The following COBL variants were observed in gnomAD, a reference collection of about 807,000 sequenced individuals.
COBL encodes cordon-bleu WH2 repeat protein, also known as protein cordon-bleu.
A neutral mutation model predicts 98.8 loss-of-function variants in COBL; 51 were observed. The ratio of observed to expected loss-of-function variants is 0.52; its 90% confidence interval spans 0.41 to 0.65. COBL has a LOEUF of 0.65. Among genes scored for constraint, COBL ranks in the 30% least tolerant of loss-of-function variants. COBL has a pLI of 0.00. For missense variants in COBL, 1,617 were observed against 1,617.5 expected, an observed-to-expected ratio of 1.00 and a Z score of 0.01; for synonymous variants, 634 against 651.7, an observed-to-expected ratio of 0.97 and a Z score of 0.41.
At chr7:51,307,527 A>G (rs1319237990) in intron 1 of COBL, among the ~76,000 whole-genome samples, 2 of 152,212 alleles carry the variant, frequency 1.3e-5, no homozygotes, top group African/African-American at 4.8e-5. Flanking sequence ...ATGCCAAAAT[A>G]AGGCAAGTCC....
intron 5 of COBL, among the ~76,000 whole-genome samples, chr7:51,153,961 A>G (rs1487869914): frequency 6.6e-6 from 1 of 152,216 alleles, no homozygotes; most frequent in Non-Finnish European, 1.5e-5. Flanking sequence ...GAGACCTCAC[A>G]GATGTGTCCT....
chr7:51,186,243 G>C (rs1789492030), intron 4 of COBL, among the ~76,000 whole-genome samples: 2 of 152,122 alleles, frequency 1.3e-5, no homozygotes, highest in African/African-American at 4.8e-5. Context: ...GGATGCTCAC[G>C]AACTGACGAT....
chr7:51,237,512 T>A (rs576854282), intron 1 of COBL, among the ~76,000 whole-genome samples: 42 of 145,474 alleles, frequency 2.9e-4, no homozygotes, highest in African/African-American at 1.0e-3. Context: ...ACATAAACTG[T>A]GAGTCCCTTA....
At chr7:51,175,270 T>G (rs971277651) in intron 5 of COBL, among the ~76,000 whole-genome samples, 1 of 152,240 alleles carries the variant, frequency 6.6e-6, no homozygotes, top group African/African-American at 2.4e-5. Flanking sequence ...TTCTACTGTT[T>G]ATAATTTGGA....
At chr7:51,148,871 C>T (rs1290347624) in intron 5 of COBL, among the ~76,000 whole-genome samples, 1 of 151,998 alleles carries the variant, frequency 6.6e-6, no homozygotes, top group African/African-American at 2.4e-5. Context: ...CCCCAACCCC[C>T]TTATCATTTA....
chr7:51,286,418 C>CA (rs1029295052), intron 1 of COBL, among the ~76,000 whole-genome samples: 28 of 135,988 alleles, frequency 2.1e-4, no homozygotes, highest in African/African-American at 5.1e-4. Flanking sequence ...AAAAAAAAAG[C>CA]AAAAAAAAAT....
At chr7:51,264,672 C>CAA (rs5884201) in intron 1 of COBL, among the ~76,000 whole-genome samples, 783 of 47,608 alleles carry the variant, frequency 0.016, 5 homozygotes, top group East Asian at 0.064. Context: ...CTCCATCTCC[C>CAA]AAAAAAAAAA....
chr7:51,187,984 T>G, intron 4 of COBL: 1 of 1,232,206 alleles, frequency 8.1e-7, no homozygotes, highest in African/African-American at 1.5e-5. Flanking sequence ...AATGAGAGAG[T>G]GAGGTCCAGC....
chr7:51,116,452 C>A (rs567151205), intron 6 of COBL, among the ~76,000 whole-genome samples: 16 of 152,200 alleles, frequency 1.1e-4, no homozygotes, highest in Admixed American at 9.1e-4. Flanking sequence ...ATTTACCCAG[C>A]CCTTCCATGC....
intron 8 of COBL, among the ~76,000 whole-genome samples, chr7:51,042,259 C>CATTA (rs924694476): frequency 5.3e-5 from 8 of 152,036 alleles, no homozygotes; most frequent in Non-Finnish European, 8.8e-5. Context: ...GAAAAGAAAA[C>CATTA]ATTAATTAAG....
At chr7:51,259,782 T>C in intron 1 of COBL, 1 of 750,636 alleles carries the variant, frequency 1.3e-6, no homozygotes, top group South Asian at 1.3e-5. Context: ...ATGGGCAGCA[T>C]TTTTAGGTTC....
chr7:51,082,424 C>T (rs1793750654), intron 7 of COBL, among the ~76,000 whole-genome samples: 1 of 152,184 alleles, frequency 6.6e-6, no homozygotes, highest in Non-Finnish European at 1.5e-5. Context: ...AATGCTATCT[C>T]TACTTACTAA....
rs542068747 is a variant in COBL at position 51,303,318 on chromosome 7, T to C, written c.41+13275A>G. ...GCTCACACCTGTAATCCCAGCCCTC[T>C]GGGAGGCCAAGGCGGCCAGATTGCC... On this transcript the variant is annotated intron_variant, in intron 1 of 12. Coordinates refer to ENST00000265136, the MANE Select transcript of COBL (RefSeq NM_015198.5). 2.0e-5 allele frequency among the ~76,000 whole-genome samples: 3 copies of C among 152,216 alleles called. No individual in the cohort carries two copies. The South Asian group carries it at 6.2e-4, about 32-fold the overall frequency.
At chr7:51,185,412 C>T (rs1370123747) in intron 4 of COBL, among the ~76,000 whole-genome samples, 1 of 152,168 alleles carries the variant, frequency 6.6e-6, no homozygotes, top group Admixed American at 6.5e-5. Flanking sequence ...AGGCACACTT[C>T]GGAAAACCAC....
intron 1 of COBL, among the ~76,000 whole-genome samples, chr7:51,298,525 C>T (rs987779138): frequency 4.6e-5 from 7 of 152,216 alleles, no homozygotes; most frequent in African/African-American, 1.7e-4. Flanking sequence ...CAGGGCATCC[C>T]CCACCCCAGC....
At chr7:51,230,217 C>T (rs976077179) in intron 1 of COBL, among the ~76,000 whole-genome samples, 1 of 152,198 alleles carries the variant, frequency 6.6e-6, no homozygotes, top group Admixed American at 6.5e-5. Context: ...TGCCACCTCG[C>T]TGCCACAACC....
In COBL at chr7:51,260,978, C is replaced by T. The variant is rs79919051; in HGVS notation, c.42-41034G>A. ...AGGGCATCTCATGAACTTTATAAAC[C>T]TCCATACCCCTTCTCCATTGCCCAT... On this transcript the variant is annotated intron_variant, in intron 1 of 12. Coordinates refer to ENST00000265136, the MANE Select transcript of COBL (RefSeq NM_015198.5). Among the ~76,000 whole-genome samples, 584 of 152,234 alleles carry T rather than the reference C, an allele frequency of 3.8e-3. 5 individuals carry two copies. Among genetic ancestry groups the T allele is most frequent in the African/African-American group, 0.013 (536 of 41,534 alleles).
intron 2 of COBL, among the ~76,000 whole-genome samples, chr7:51,201,512 ATG>A (rs1791123880): frequency 6.6e-6 from 1 of 152,220 alleles, no homozygotes; most frequent in Admixed American, 6.5e-5. Context: ...ATACAATAAT[ATG>A]AAGAGACTTC....
intron 7 of COBL, among the ~76,000 whole-genome samples, chr7:51,074,191 A>ATTTTTTTTTTTTTTTTTTTTTTTTT (rs369421469): frequency 2.0e-5 from 2 of 100,496 alleles, no homozygotes; most frequent in Non-Finnish European, 3.7e-5. Context: ...CAAGGTAATG[A>ATTTTTTTTTTTTTTTTTTTTTTTTT]TTTTTTTTTT....
Sources: allele counts gnomAD v4.1 joint callset (sites outside exome capture counted in the v4.1 genomes callset), GRCh38; gene constraint gnomAD v4.1.1; transcripts MANE v1.5; gene names NCBI Gene and HGNC (gene_info 2026-07-23, HGNC 2026-07-21).